Variants in SEMA6D observed in about 807,000 individuals in gnomAD.
SEMA6D encodes semaphorin-6D.
A neutral mutation model predicts 106.6 loss-of-function variants in SEMA6D; 35 were observed. The observed-to-expected ratio is 0.33, with a 90% confidence interval of 0.25 to 0.44. The LOEUF (loss-of-function observed/expected upper bound fraction) is 0.44. SEMA6D is among the 20% of genes least tolerant of loss of function. The probability of loss-of-function intolerance (pLI) is 1.00; values close to 1 mark genes in which losing one functional copy is unlikely to be tolerated. For synonymous variants in SEMA6D, 499 were observed against 487.7 expected, an observed-to-expected ratio of 1.02 and a Z score of -0.31; for missense variants, 1,185 against 1,345.9, an observed-to-expected ratio of 0.88 and a Z score of 1.87.
Position 47,528,721 on chromosome 15 carries a change from G to A in SEMA6D, c.-87+58176G>A, listed in dbSNP as rs1042933744. ...CTCATATTGCATTAGCCAGAACTAG[G>A]CCACATCCAGCTGCCAGGGAGGCTG... On this transcript the variant is annotated intron_variant, in intron 3 of 19. Coordinates refer to the SEMA6D transcript ENST00000558014. Among the ~76,000 whole-genome samples, 4 of 152,136 alleles carry A rather than the reference G, an allele frequency of 2.6e-5. No homozygotes were observed. The South Asian group carries it at 8.3e-4, about 32-fold the overall frequency.
At chr15:47,489,408 T>C (rs990784581) in intron 3 of SEMA6D, among the ~76,000 whole-genome samples, 1 of 152,236 alleles carries the variant, frequency 6.6e-6, no homozygotes. Context: ...TTTCCTTTTC[T>C]TTCTTATTCA....
chr15:47,452,401 G>C (rs554331916), intron 2 of SEMA6D, among the ~76,000 whole-genome samples: 4 of 150,562 alleles, frequency 2.7e-5, no homozygotes, highest in East Asian at 3.9e-4. Context: ...TGTGTAATCT[G>C]GGCAAGTTAC....
chr15:47,361,703 C>A (rs1326481671), intron 1 of SEMA6D, among the ~76,000 whole-genome samples: 1 of 152,192 alleles, frequency 6.6e-6, no homozygotes, highest in Non-Finnish European at 1.5e-5. Flanking sequence ...GGAGCCCAAT[C>A]TGCCTCCCTC....
At chr15:47,450,790 A>G (rs2042167297) in intron 2 of SEMA6D, among the ~76,000 whole-genome samples, 1 of 152,052 alleles carries the variant, frequency 6.6e-6, no homozygotes, top group Non-Finnish European at 1.5e-5. Context: ...GGGGATACCT[A>G]GAGAGGTCTG....
chr15:47,643,949 CT>C (rs111347770), intron 4 of SEMA6D, among the ~76,000 whole-genome samples: 8,491 of 152,182 alleles, frequency 0.056, 803 homozygotes, highest in African/African-American at 0.2. Flanking sequence ...CACAATTCTA[CT>C]TCTCTACTTC....
intron 3 of SEMA6D, among the ~76,000 whole-genome samples, chr15:47,474,789 A>G (rs1019833381): frequency 2.0e-5 from 3 of 152,224 alleles, no homozygotes; most frequent in Admixed American, 6.5e-5. Context: ...CAGACAGGAC[A>G]CTGTGACCAA....
chr15:47,579,460 T>C (rs1043686686), intron 3 of SEMA6D, among the ~76,000 whole-genome samples: 1 of 152,108 alleles, frequency 6.6e-6, no homozygotes, highest in African/African-American at 2.4e-5. Context: ...GTATTCTTAA[T>C]GAGAACCAAG....
At chr15:47,267,389 A>G (rs1439879264) in intron 1 of SEMA6D, among the ~76,000 whole-genome samples, 1 of 151,188 alleles carries the variant, frequency 6.6e-6, no homozygotes, top group East Asian at 1.9e-4. Context: ...TAAGTAACTT[A>G]TTAAGGATAT....
chr15:47,271,005 G>A (rs2034536808), intron 1 of SEMA6D, among the ~76,000 whole-genome samples: 1 of 152,006 alleles, frequency 6.6e-6, no homozygotes, highest in Admixed American at 6.6e-5. Flanking sequence ...ACTCCAAACA[G>A]CTAAGTGTAC....
At chr15:47,693,664 A>G (rs2078637440) in intron 4 of SEMA6D, among the ~76,000 whole-genome samples, 1 of 152,110 alleles carries the variant, frequency 6.6e-6, no homozygotes, top group African/African-American at 2.4e-5. Context: ...GCCAGATGCC[A>G]TGGTTCACAT....
intron 4 of SEMA6D, among the ~76,000 whole-genome samples, chr15:47,652,199 A>G (rs1192677997): frequency 6.6e-6 from 1 of 152,212 alleles, no homozygotes; most frequent in African/African-American, 2.4e-5. Flanking sequence ...CATTCAAGTA[A>G]TGTGGAGTGA....
chr15:47,368,828 C>T (rs111312293), intron 1 of SEMA6D, among the ~76,000 whole-genome samples: 49 of 152,282 alleles, frequency 3.2e-4, no homozygotes, highest in African/African-American at 1.0e-3. Flanking sequence ...TACTTCCTAG[C>T]GTTGAACATT....
intron 2 of SEMA6D, among the ~76,000 whole-genome samples, chr15:47,422,081 G>A (rs2041176323): frequency 8.2e-6 from 1 of 121,972 alleles, no homozygotes; most frequent in Non-Finnish European, 1.8e-5. Flanking sequence ...ATGTTAAGGG[G>A]GTCCATTGTT....
intron 1 of SEMA6D, among the ~76,000 whole-genome samples, chr15:47,281,719 C>T (rs546203950): frequency 1.3e-5 from 2 of 152,020 alleles, no homozygotes; most frequent in African/African-American, 2.4e-5. Context: ...ATAATGTTAA[C>T]ATAAATTTTA....
chr15:47,237,551 C>T (rs561942849), intron 1 of SEMA6D, among the ~76,000 whole-genome samples: 3 of 151,944 alleles, frequency 2.0e-5, no homozygotes, highest in East Asian at 1.9e-4. Context: ...GCCTCTAACT[C>T]GGTGGCCTTA....
At chr15:47,552,514 ATATATATG>A in intron 3 of SEMA6D, among the ~76,000 whole-genome samples, 1 of 67,724 alleles carries the variant, frequency 1.5e-5, no homozygotes, top group Non-Finnish European at 3.5e-5. Flanking sequence ...GTGTGTGTGT[ATATATATG>A]TATACACACA....
At chr15:47,296,548 G>A (rs1200005109) in intron 1 of SEMA6D, among the ~76,000 whole-genome samples, 1 of 152,054 alleles carries the variant, frequency 6.6e-6, no homozygotes, top group Non-Finnish European at 1.5e-5. Context: ...ATAAAGCAAG[G>A]GGGAATGTTA....
intron 1 of SEMA6D, among the ~76,000 whole-genome samples, chr15:47,294,118 C>T (rs1595663947): frequency 6.6e-6 from 1 of 151,912 alleles, no homozygotes; most frequent in East Asian, 1.9e-4. Flanking sequence ...CTTTTCAGAG[C>T]CGTGCACTAT....
chr15:47,307,495 A>G (rs975358009), intron 1 of SEMA6D, among the ~76,000 whole-genome samples: 1 of 152,128 alleles, frequency 6.6e-6, no homozygotes, highest in African/African-American at 2.4e-5. Context: ...AAAAATATGA[A>G]TTTTCTCAGC....
Sources: allele counts gnomAD v4.1 joint callset (sites outside exome capture counted in the v4.1 genomes callset), GRCh38; gene constraint gnomAD v4.1.1; transcripts MANE v1.5; gene names NCBI Gene and HGNC (gene_info 2026-07-23, HGNC 2026-07-21).